CSMD1: variants seen among roughly 807,000 people sequenced by gnomAD.
CSMD1 encodes CUB and Sushi multiple domains 1.
CSMD1 carries 213 observed loss-of-function variants against 417.5 expected under a neutral mutation model. That is an observed-to-expected ratio of 0.51 (90% CI 0.46 to 0.57). CSMD1 has a LOEUF of 0.57. Among genes scored for constraint, CSMD1 ranks in the 20% least tolerant of loss-of-function variants. The probability of loss-of-function intolerance (pLI) is 0.00; values close to 1 mark genes in which losing one functional copy is unlikely to be tolerated. For missense variants in CSMD1, 6,923 were observed against 4,529.7 expected, an observed-to-expected ratio of 1.53 and a Z score of -15.17; for synonymous variants, 2,862 against 1,736.8, an observed-to-expected ratio of 1.65 and a Z score of -16.11.
chr8:4,381,756 G>GT (rs1803120483), intron 3 of CSMD1, among the ~76,000 whole-genome samples: 2 of 152,032 alleles, frequency 1.3e-5, no homozygotes, highest in African/African-American at 4.8e-5. Flanking sequence ...ATGTTTTTTT[G>GT]TTTTGTTTTT....
intron 4 of CSMD1, among the ~76,000 whole-genome samples, chr8:4,010,710 T>A (rs1473024728): frequency 6.6e-6 from 1 of 152,168 alleles, no homozygotes; most frequent in Non-Finnish European, 1.5e-5. Context: ...CTTTTCCTTG[T>A]CCCTATCATG....
rs73494470 is a variant in CSMD1, at chr8:3,067,819, T to C, written c.7475-15172A>G. 5.9e-3 allele frequency among the ~76,000 whole-genome samples: 905 copies of C among 152,138 alleles called. 7 individuals are homozygous for C. Among genetic ancestry groups the C allele is most frequent in the African/African-American group, 0.02 (845 of 41,518 alleles). ...GGTTCCATGTGCTGTAATTACCTAATTTATCTTACTGAATTCTCATACTAA... is the reference window on the plus strand; with the variant it reads ...GGTTCCATGTGCTGTAATTACCTAACTTATCTTACTGAATTCTCATACTAA... On this transcript the variant is annotated intron_variant, in intron 49 of 69. Coordinates refer to ENST00000635120, the MANE Select transcript of CSMD1 (RefSeq NM_033225.6).
rs138709899 is a variant in CSMD1, at chr8:4,794,331, T to G, written c.86-156773A>C. Among the ~76,000 whole-genome samples, 113 of 152,344 alleles carry G rather than the reference T, an allele frequency of 7.4e-4. 1 individual carries two copies. Among genetic ancestry groups the G allele is most frequent in the African/African-American group, 2.5e-3 (105 of 41,574 alleles). ...TTAAAAGAAGGTCTCTGCATTTCCT[T>G]AGAAATGAGTGACTATTTCTCATAT... On this transcript the variant is annotated intron_variant, in intron 1 of 69. Transcript: ENST00000635120.
chr8:4,867,729 C>T (rs956431755), intron 1 of CSMD1, among the ~76,000 whole-genome samples: 11 of 151,904 alleles, frequency 7.2e-5, no homozygotes, highest in South Asian at 4.2e-4. Context: ...AACAAAATGC[C>T]GTATTAGTAT....
intron 2 of CSMD1, among the ~76,000 whole-genome samples, chr8:4,631,221 G>A (rs951517317): frequency 6.6e-6 from 1 of 151,926 alleles, no homozygotes; most frequent in Non-Finnish European, 1.5e-5. Context: ...AATTAGCCAG[G>A]AGTGGTGGCA....
intron 6 of CSMD1, among the ~76,000 whole-genome samples, chr8:3,722,291 G>C (rs1013012871): frequency 2.0e-5 from 3 of 152,188 alleles, no homozygotes; most frequent in African/African-American, 4.8e-5. Context: ...CTGGGCGACA[G>C]AGTGAGACTC....
At chr8:4,768,242 G>T (rs541148198) in intron 1 of CSMD1, among the ~76,000 whole-genome samples, 4 of 151,918 alleles carry the variant, frequency 2.6e-5, no homozygotes, top group Middle Eastern at 3.2e-3. Flanking sequence ...TGCTCTGTGG[G>T]CTCCTCCTTC....
At chr8:3,420,016 G>A (rs28524048) in intron 12 of CSMD1, among the ~76,000 whole-genome samples, 2,575 of 152,218 alleles carry the variant, frequency 0.017, 50 homozygotes, top group East Asian at 0.095. Flanking sequence ...CAATGCATGA[G>A]AAGCCAATGC....
intron 5 of CSMD1, among the ~76,000 whole-genome samples, chr8:3,765,959 A>G (rs1798244628): frequency 6.6e-6 from 1 of 152,244 alleles, no homozygotes; most frequent in African/African-American, 2.4e-5. Flanking sequence ...CCAGCAAATC[A>G]GGCATCAGGA....
intron 27 of CSMD1, among the ~76,000 whole-genome samples, chr8:3,226,110 C>T (rs867892267): frequency 6.6e-5 from 10 of 152,136 alleles, no homozygotes; most frequent in Non-Finnish European, 7.3e-5. Context: ...CCGTTGGGGG[C>T]GATAAATATT....
intron 5 of CSMD1, among the ~76,000 whole-genome samples, chr8:3,849,163 C>T (rs946490401): frequency 2.6e-5 from 4 of 152,106 alleles, no homozygotes; most frequent in Non-Finnish European, 5.9e-5. Flanking sequence ...GTGTCTTAAA[C>T]GATGACATTA....
At chr8:3,965,414 C>T (rs187394516) in intron 5 of CSMD1, among the ~76,000 whole-genome samples, 11 of 152,052 alleles carry the variant, frequency 7.2e-5, no homozygotes, top group African/African-American at 2.2e-4. Flanking sequence ...ACATGGTTTT[C>T]GTGATGGCCT....
intron 25 of CSMD1, among the ~76,000 whole-genome samples, chr8:3,303,949 ATTATAATAACTATTTTGGGGTATTCG>A (rs765240564): frequency 1.7e-3 from 125 of 75,276 alleles, no homozygotes; most frequent in Non-Finnish European, 3.4e-3. Context: ...ATTGCGCCCC[ATTATAATAACTATTTTGGGGTATTCG>A]ATTACCTCAA....
intron 22 of CSMD1, among the ~76,000 whole-genome samples, chr8:3,347,671 G>C (rs545106814): frequency 2.6e-5 from 4 of 152,176 alleles, no homozygotes; most frequent in African/African-American, 7.2e-5. Context: ...CCTCAAGACA[G>C]TCCAGAAAGG....
chr8:4,522,218 T>C (rs979045149), intron 2 of CSMD1, among the ~76,000 whole-genome samples: 1 of 152,124 alleles, frequency 6.6e-6, no homozygotes, highest in Non-Finnish European at 1.5e-5. Context: ...TGGGAGGTTC[T>C]CTGCACAAAT....
At chr8:3,206,843 C>T (rs958170726) in intron 30 of CSMD1, among the ~76,000 whole-genome samples, 4 of 152,056 alleles carry the variant, frequency 2.6e-5, no homozygotes, top group African/African-American at 9.7e-5. Flanking sequence ...AAGAGACCTC[C>T]AATTAAATCC....
intron 3 of CSMD1, among the ~76,000 whole-genome samples, chr8:4,246,259 T>A (rs189318565): frequency 3.2e-4 from 48 of 152,200 alleles, no homozygotes; most frequent in African/African-American, 1.1e-3. Flanking sequence ...TACTTATACA[T>A]GATAACTTGT....
At chr8:3,254,514 A>G (rs534155900) in intron 26 of CSMD1, among the ~76,000 whole-genome samples, 31 of 152,266 alleles carry the variant, frequency 2.0e-4, no homozygotes, top group Non-Finnish European at 3.7e-4. Context: ...AGGTACACCA[A>G]TCAGACGTAG....
At chr8:3,652,593 G>C (rs1036806687) in intron 7 of CSMD1, among the ~76,000 whole-genome samples, 2 of 152,210 alleles carry the variant, frequency 1.3e-5, no homozygotes, top group African/African-American at 4.8e-5. Context: ...GTCGTACACG[G>C]TGACAGGCAA....
Sources: gnomAD v4.1 joint callset for allele counts (sites outside exome capture counted in the v4.1 genomes callset) on GRCh38, gnomAD v4.1.1 for gene constraint, MANE v1.5 for transcripts, NCBI Gene and HGNC (gene_info 2026-07-23, HGNC 2026-07-21) for gene names.